Variants in TSPAN5 observed in about 807,000 individuals in gnomAD.
The protein encoded by TSPAN5 is tetraspanin 5, also known as tetraspanin-5.
In TSPAN5, 10 loss-of-function variants were observed where a neutral mutation model predicts 37.1. That is an observed-to-expected ratio of 0.27 (90% CI 0.17 to 0.46). The LOEUF (loss-of-function observed/expected upper bound fraction) is 0.46. Ranked by LOEUF, TSPAN5 falls within the 20% of genes least tolerant of loss-of-function variation. TSPAN5 has a pLI of 1.00. For missense variants in TSPAN5, 195 were observed against 326.6 expected (o/e 0.60, Z 3.11); for synonymous variants, 110 against 118.9 (o/e 0.93, Z 0.48).
intron 2 of TSPAN5, among the ~76,000 whole-genome samples, chr4:98,498,499 A>G (rs1279921529): frequency 6.6e-6 from 1 of 152,154 alleles, no homozygotes; most frequent in East Asian, 1.9e-4. Context: ...AAGACCTCCC[A>G]ACCACACCCC....
At chr4:98,592,326 G>T (rs1755655899) in intron 1 of TSPAN5, among the ~76,000 whole-genome samples, 1 of 149,010 alleles carries the variant, frequency 6.7e-6, no homozygotes, top group Non-Finnish European at 1.5e-5. Context: ...GCCACATAAT[G>T]AAACTGAACT....
chr4:98,478,560 C>G, intron 5 of TSPAN5, 125 bp downstream of exon 5: 1 of 1,152,958 alleles, frequency 8.7e-7, no homozygotes, highest in Non-Finnish European at 1.3e-6. Context: ...TAACCCCCTA[C>G]AGGAGCTACA....
intron 1 of TSPAN5, among the ~76,000 whole-genome samples, chr4:98,634,702 A>C (rs1756817122): frequency 6.6e-6 from 1 of 152,226 alleles, no homozygotes; most frequent in Non-Finnish European, 1.5e-5. Context: ...GGTATCCATG[A>C]AACACGAAGG....
chr4:98,540,343 C>CA (rs1297388132), intron 1 of TSPAN5, among the ~76,000 whole-genome samples: 1 of 146,626 alleles, frequency 6.8e-6, no homozygotes, highest in East Asian at 2.0e-4. Flanking sequence ...TTCCCTCTTC[C>CA]TTTTTTTTTT....
At chr4:98,484,892 C>T (rs1752927185) in intron 3 of TSPAN5, 1 of 214,344 alleles carries the variant, frequency 4.7e-6, no homozygotes, top group South Asian at 6.9e-5. Context: ...GCGGGTGGAT[C>T]ACCTGAGGTC....
intron 1 of TSPAN5, among the ~76,000 whole-genome samples, chr4:98,525,936 T>C (rs968621886): frequency 7.9e-5 from 12 of 152,252 alleles, no homozygotes; most frequent in African/African-American, 2.4e-4. Context: ...CTTGTCTGTA[T>C]ACTATTTTCT....
At chr4:98,533,881 T>G (rs1339912390) in intron 1 of TSPAN5, among the ~76,000 whole-genome samples, 4 of 147,674 alleles carry the variant, frequency 2.7e-5, no homozygotes, top group African/African-American at 1.0e-4. Context: ...ATCTATTTGA[T>G]TCTTCTCTCT....
chr4:98,507,320 GA>G (rs567365499), intron 2 of TSPAN5, among the ~76,000 whole-genome samples: 3 of 152,006 alleles, frequency 2.0e-5, no homozygotes, highest in African/African-American at 7.2e-5. Context: ...AAGCAGAAGA[GA>G]AAAAAAGGCT....
chr4:98,558,863 G>A (rs1019982321), intron 1 of TSPAN5, among the ~76,000 whole-genome samples: 3 of 152,054 alleles, frequency 2.0e-5, no homozygotes, highest in Non-Finnish European at 4.4e-5. Flanking sequence ...AATTGAAAAT[G>A]GTAATTCCTT....
intron 1 of TSPAN5, among the ~76,000 whole-genome samples, chr4:98,621,126 A>G (rs552531486): frequency 2.6e-5 from 4 of 152,240 alleles, no homozygotes; most frequent in African/African-American, 9.6e-5. Flanking sequence ...GAAAATGAAG[A>G]CAGAGGTCAG....
rs1756683268 is a variant in TSPAN5 at position 98,629,102 on chromosome 4, A to G, written c.81+29044T>C. ...ACTGCAATTAAATAAAAAGGAAAAA[A>G]TGCTTATAAACACACACATATTATC... On this transcript the variant is annotated intron_variant, in intron 1 of 7. Coordinates refer to ENST00000305798, the MANE Select transcript of TSPAN5 (RefSeq NM_005723.4). Among the ~76,000 whole-genome samples the G allele has an allele frequency of 1.3e-5, 2 of 152,224 alleles. 1 individual carries two copies. Among genetic ancestry groups the G allele is most frequent in the South Asian group, 4.1e-4 (2 of 4,828 alleles).
intron 1 of TSPAN5, among the ~76,000 whole-genome samples, chr4:98,513,210 G>C (rs1354092489): frequency 9.9e-5 from 15 of 151,140 alleles, no homozygotes; most frequent in Admixed American, 9.2e-4. Context: ...AGGTACAGCA[G>C]GTTTGCAATT....
intron 1 of TSPAN5, among the ~76,000 whole-genome samples, chr4:98,520,002 A>G (rs1408849102): frequency 6.6e-6 from 1 of 152,242 alleles, no homozygotes; most frequent in Non-Finnish European, 1.5e-5. Context: ...GTGGCACATG[A>G]AAAGGTGCCT....
At chr4:98,650,181 A>C (rs1757154584) in intron 1 of TSPAN5, among the ~76,000 whole-genome samples, 2 of 152,208 alleles carry the variant, frequency 1.3e-5, no homozygotes, top group Admixed American at 6.5e-5. Flanking sequence ...ATGGGGAAGG[A>C]AGATAAGTCT....
intron 2 of TSPAN5, among the ~76,000 whole-genome samples, chr4:98,498,484 G>C (rs1045399708): frequency 3.3e-5 from 5 of 152,120 alleles, no homozygotes; most frequent in African/African-American, 9.7e-5. Context: ...AAGTGAGTAG[G>C]AGACAAGACC....
At chr4:98,479,206 G>A (rs1010052901) in intron 4 of TSPAN5, among the ~76,000 whole-genome samples, 1 of 152,180 alleles carries the variant, frequency 6.6e-6, no homozygotes, top group Non-Finnish European at 1.5e-5. Flanking sequence ...GGCAACTGGG[G>A]TTATGGGTGG....
At chr4:98,515,830 G>C (rs1182796251) in intron 1 of TSPAN5, among the ~76,000 whole-genome samples, 1 of 152,092 alleles carries the variant, frequency 6.6e-6, no homozygotes, top group Non-Finnish European at 1.5e-5. Flanking sequence ...TACTCATATG[G>C]TACTTAATTT....
chr4:98,510,055 C>G (rs1040691839), intron 1 of TSPAN5: 2 of 152,138 alleles, frequency 1.3e-5, no homozygotes, highest in African/African-American at 4.8e-5. Context: ...TCTGCTTGAT[C>G]GCTAAGATTT....
chr4:98,519,122 G>A (rs1484552975), intron 1 of TSPAN5, among the ~76,000 whole-genome samples: 1 of 152,152 alleles, frequency 6.6e-6, no homozygotes, highest in Non-Finnish European at 1.5e-5. Context: ...GCCGCAGCAA[G>A]ATGGAGACAG....
Sources: gnomAD v4.1 joint callset for allele counts (sites outside exome capture counted in the v4.1 genomes callset) on GRCh38, gnomAD v4.1.1 for gene constraint, MANE v1.5 for transcripts, NCBI Gene and HGNC (gene_info 2026-07-23, HGNC 2026-07-21) for gene names.